The following SLC18B1 variants were observed in gnomAD, a reference collection of about 807,000 sequenced individuals.
The protein encoded by SLC18B1 is solute carrier family 18 member B1, also known as MFS-type transporter SLC18B1.
Under a neutral mutation model 53.9 loss-of-function variants are expected in SLC18B1, and 62 were observed. The ratio of observed to expected loss-of-function variants is 1.15; its 90% CI spans 0.94 to 1.42. The LOEUF is 1.42. Among genes scored for constraint, SLC18B1 ranks in the 40% most tolerant of loss-of-function variants. The pLI is 0.00. For missense variants in SLC18B1, 598 were observed against 547.3 expected, an observed-to-expected ratio of 1.09 and a Z score of -0.93; for synonymous variants, 217 against 200.9, an observed-to-expected ratio of 1.08 and a Z score of -0.68.
chr6:132,784,092 T>C lies in SLC18B1; in HGVS notation c.502-3A>G. On this transcript the variant is annotated splice_polypyrimidine_tract_variant and splice_region_variant and intron_variant, in intron 5 of 13. Transcript: ENST00000275227. ...CCAGAAAAAGTCTCAAGACTTCCCT[T>C]AAAATGAGAAAAAGAAAAAATCAGT... 1 of 1,549,198 alleles carries C rather than the reference T, an allele frequency of 6.5e-7. No homozygotes were observed. Among genetic ancestry groups the C allele is most frequent in the African/African-American group, 1.4e-5 (1 of 71,350 alleles).
At chr6:132,793,390 G>C (rs1221669725) in intron 2 of SLC18B1, among the ~76,000 whole-genome samples, 1 of 152,232 alleles carries the variant, frequency 6.6e-6, no homozygotes, top group Non-Finnish European at 1.5e-5. Flanking sequence ...TTTAAAGTTA[G>C]AATGTTCTCT....
Position 132,774,977 on chromosome 6 carries a change from C to T in SLC18B1, c.898-664G>A, listed in dbSNP as rs1582855307. Among the ~76,000 whole-genome samples the T allele has an allele frequency of 2.0e-5, 3 of 152,252 alleles. No individual in the cohort carries two copies. The South Asian group carries it at 6.2e-4, about 32-fold the overall frequency. On this transcript the variant is annotated intron_variant, in intron 8 of 13. Transcript: ENST00000275227. Reference sequence around the variant, plus strand: ...ATAGTTACAATACCTAGAAAAATCACATTATTAAAAAATTACCTGCTAGAG... The same window carrying T: ...ATAGTTACAATACCTAGAAAAATCATATTATTAAAAAATTACCTGCTAGAG...
chr6:132,770,965 T>C (rs1159102447), intron 12 of SLC18B1, 26 bp from the exon 13 acceptor site: 4 of 1,611,582 alleles, frequency 2.5e-6, no homozygotes, highest in Non-Finnish European at 3.4e-6. Flanking sequence ...AAGTACTGAT[T>C]AATGTAAATT....
At position 132,783,995 on chromosome 6, in the gene SLC18B1, A is replaced by G; in HGVS notation, c.596T>C (p.Ile199Thr). ...CAGCAAAACGACGCATCCCAGAACA[A>G]TAAAAGGCACTTCATAGCCAAAGGA... is the stretch of plus-strand genomic sequence containing the variant. ...YQSFGYEVPF[I>T]VLGCVVLLMV... Residue 199 changes from isoleucine to threonine, a missense_variant, in exon 6 of 14, where the codon ATT becomes ACT. Coordinates refer to ENST00000275227, the MANE Select transcript of SLC18B1 (RefSeq NM_052831.3). 3 of 1,611,454 alleles carry G rather than the reference A, an allele frequency of 1.9e-6. No homozygotes were observed. Among genetic ancestry groups the G allele is most frequent in the Non-Finnish European group, 2.5e-6 (3 of 1,178,900 alleles).
chr6:132,787,939 A>G (rs997622639), intron 4 of SLC18B1, among the ~76,000 whole-genome samples: 22 of 152,082 alleles, frequency 1.4e-4, no homozygotes, highest in African/African-American at 5.3e-4. Flanking sequence ...AGGCAGGCAA[A>G]TCACGAAGTC....
chr6:132,772,685 C>T (rs147569660), intron 10 of SLC18B1, among the ~76,000 whole-genome samples: 24 of 152,282 alleles, frequency 1.6e-4, no homozygotes, highest in African/African-American at 5.8e-4. Context: ...TCATGGACCT[C>T]CTCCATGAAA....
In SLC18B1 at chr6:132,772,132, C is replaced by T; in HGVS notation, c.1160G>A (p.Gly387Asp). The change falls in exon 11 of 14, where the codon GGT becomes GAT. Residue 387 changes from glycine (G) to aspartate (D), a missense_variant and splice_region_variant. Gly to Asp is a moderately conservative substitution (Grantham distance 94). Transcript: ENST00000275227. Reference sequence around the variant, plus strand: ...AGAAAGAAATTAAATGACTACTCACCCAATTGACCACATTGCACTAAAAAG... The same window carrying T: ...AGAAAGAAATTAAATGACTACTCACTCAATTGACCACATTGCACTAAAAAG... ...SGLFSAMWSI[G>D]AFMGPTLGGF... 1 of 1,564,148 alleles carries T rather than the reference C, an allele frequency of 6.4e-7. No individual in the cohort carries two copies. Among genetic ancestry groups the T allele is most frequent in the African/African-American group, 1.4e-5 (1 of 71,104 alleles).
rs556825656 is a variant in SLC18B1, at chr6:132,779,512, G to A, written c.659-108C>T. 13 of 1,247,190 alleles carry A rather than the reference G, an allele frequency of 1.0e-5. No individual in the cohort carries two copies. In the African/African-American group the frequency reaches 1.7e-4, roughly 16 times the overall value. The allele number at this position is 1,247,190 out of a possible 1,614,324, so 77.3% of individuals were successfully genotyped here. On this transcript the variant is annotated intron_variant, in intron 6 of 13. Coordinates refer to ENST00000275227, the MANE Select transcript of SLC18B1 (RefSeq NM_052831.3). ...ACCATCTTTATCTGGTAATCAAAAT[G>A]ACTCAATCTCTGAGTTTGCCTAAAA... is the stretch of plus-strand genomic sequence containing the variant.
intron 2 of SLC18B1, among the ~76,000 whole-genome samples, chr6:132,790,579 A>G (rs1280189995): frequency 1.3e-5 from 2 of 152,172 alleles, no homozygotes; most frequent in African/African-American, 4.8e-5. Context: ...TTGGATAAGG[A>G]AATTTGGGCT....
chr6:132,790,125 T>C lies in SLC18B1; in HGVS notation c.279+52A>G, dbSNP rs533911917. On this transcript the variant is annotated intron_variant, in intron 3 of 13. Coordinates refer to ENST00000275227, the MANE Select transcript of SLC18B1 (RefSeq NM_052831.3). ...ATTCTAGACTAGTAAACGAAAATAATCCATCATATAATTTTTAAAAATTAA... is the reference window on the plus strand; with the variant it reads ...ATTCTAGACTAGTAAACGAAAATAACCCATCATATAATTTTTAAAAATTAA... The C allele has an allele frequency of 3.1e-6, 4 of 1,305,994 alleles. No homozygotes were observed. The East Asian group carries it at 7.6e-5, about 25-fold the overall frequency. The allele number at this position is 1,305,994 out of a possible 1,614,324, so 80.9% of individuals were successfully genotyped here.
rs1781708415 is a variant in SLC18B1, at chr6:132,796,980, A to ACCC, written c.183+1_183+2insGGG. 1 of 1,611,444 alleles carries ACCC rather than the reference A, an allele frequency of 6.2e-7. No individual in the cohort carries two copies. ...GGTCCTAAGGATTTAAAAATGTCTT[A>ACCC]CCTCTTTGGGGAAAAACGGTCCAAG... On this transcript the variant is annotated splice_donor_variant, in intron 2 of 13. Transcript: ENST00000275227. LOFTEE classifies it high-confidence loss of function.
chr6:132,779,352 A>C lies in SLC18B1; in HGVS notation c.711T>G (p.Val237=). The C allele has an allele frequency of 6.2e-7, 1 of 1,614,086 alleles. No individual in the cohort carries two copies. The highest frequency in any genetic ancestry group is 8.5e-7 in the Non-Finnish European group (1 of 1,179,932). The change falls in exon 7 of 14, where the codon GTT becomes GTG. Residue 237 remains valine, a synonymous_variant. Transcript: ENST00000275227. ...SFWKLIALPK[V]GLIAFVINSL... is the part of the protein sequence containing the mutation. ...AGTTGATGACGAAGGCTATAAGGCC[A>C]ACTTTGGGTAAAGCGATCAGTTTCC...
chr6:132,772,493 A>G (rs940417962), intron 10 of SLC18B1, among the ~76,000 whole-genome samples: 2 of 152,206 alleles, frequency 1.3e-5, no homozygotes, highest in Non-Finnish European at 2.9e-5. Context: ...AGAAATTCTT[A>G]AAATGAGATG....
At position 132,790,177 on chromosome 6, in the gene SLC18B1, A is replaced by G. The variant is rs1052972556; in HGVS notation, c.279T>C (p.Tyr93=). Residue 93 remains tyrosine, a splice_region_variant and synonymous_variant, in exon 3 of 14, where the codon TAT becomes TAC. Transcript: ENST00000275227. Reference sequence around the variant, plus strand: ...ATGTGCATATGAACTTTATACTTACATAGTTTCCAAATACCAAGGATGCCA... The same window carrying G: ...ATGTGCATATGAACTTTATACTTACGTAGTTTCCAAATACCAAGGATGCCA... ...ELLASLVFGN[Y]LVHIGAKFMF... 1.3e-6 allele frequency: 2 copies of G among 1,558,442 alleles called. No homozygotes were observed. The highest frequency in any genetic ancestry group is 1.7e-6 in the Non-Finnish European group (2 of 1,150,400).
intron 1 of SLC18B1, among the ~76,000 whole-genome samples, chr6:132,798,208 A>G (rs951420241): frequency 1.3e-5 from 2 of 152,266 alleles, no homozygotes; most frequent in Non-Finnish European, 2.9e-5. Flanking sequence ...TTAGAAAGTC[A>G]TTAGAAACCG....
At chr6:132,785,897 C>CAAAAAAAAAAAA (rs71545048) in intron 5 of SLC18B1, among the ~76,000 whole-genome samples, 1,714 of 80,590 alleles carry the variant, frequency 0.021, 25 homozygotes, top group Non-Finnish European at 0.031. Context: ...CCTGTCTCTA[C>CAAAAAAAAAAAA]AAAAAAAAAA....
intron 8 of SLC18B1, 74 bp downstream of exon 8, chr6:132,776,254 T>C: frequency 2.6e-6 from 3 of 1,166,508 alleles, no homozygotes; most frequent in Non-Finnish European, 3.8e-6. Context: ...AATCCTAGAG[T>C]TCCAAAGGAA....
chr6:132,771,568 C>A (rs1780974574), intron 11 of SLC18B1, among the ~76,000 whole-genome samples: 1 of 152,160 alleles, frequency 6.6e-6, no homozygotes, highest in African/African-American at 2.4e-5. Flanking sequence ...ATTAAAGGAA[C>A]TTATAAATAC....
intron 2 of SLC18B1, among the ~76,000 whole-genome samples, chr6:132,791,150 G>T (rs1436351676): frequency 2.6e-5 from 4 of 152,124 alleles, no homozygotes; most frequent in African/African-American, 9.7e-5. Flanking sequence ...GATAGGACTG[G>T]CAACTTAGCA....
Sources: gnomAD v4.1 joint callset for allele counts (sites outside exome capture counted in the v4.1 genomes callset) on GRCh38, gnomAD v4.1.1 for gene constraint, MANE v1.5 for transcripts, NCBI Gene and HGNC (gene_info 2026-07-23, HGNC 2026-07-21) for gene names.